The following FGF14 variants were observed in gnomAD, a reference collection of about 807,000 sequenced individuals.
FGF14 encodes fibroblast growth factor 14, also known as fibroblast growth factor homologous factor 4.
FGF14 carries 5 observed loss-of-function variants against 25.5 expected under a neutral mutation model. The observed-to-expected ratio is 0.20, with a 90% CI of 0.10 to 0.41. FGF14 has a LOEUF of 0.41. Ranked by LOEUF, FGF14 falls within the 10% of genes least tolerant of loss-of-function variation. The pLI, the probability that FGF14 is intolerant of heterozygous loss-of-function variation, is 1.00. For synonymous variants in FGF14, 138 were observed against 118.3 expected (o/e 1.17, Z -1.08); for missense variants, 222 against 320.1 (o/e 0.69, Z 2.34).
chr13:102,265,194 T>G (rs1437970001), intron 1 of FGF14, among the ~76,000 whole-genome samples: 1 of 152,162 alleles, frequency 6.6e-6, no homozygotes, highest in East Asian at 1.9e-4. Flanking sequence ...AGGTCTCCAC[T>G]ACCCTTTATT....
chr13:101,972,509 T>A (rs2037662089), intron 1 of FGF14, among the ~76,000 whole-genome samples: 1 of 152,192 alleles, frequency 6.6e-6, no homozygotes, highest in Non-Finnish European at 1.5e-5. Flanking sequence ...GCTCCAAATT[T>A]TCTCTAATTT....
chr13:101,812,378 TATC>T (rs1057346806), intron 3 of FGF14, among the ~76,000 whole-genome samples: 5 of 151,830 alleles, frequency 3.3e-5, no homozygotes, highest in Admixed American at 6.6e-5. Flanking sequence ...TGTTCTCTAA[TATC>T]ATATTAAACC....
rs192082191 is a variant in FGF14 at position 101,876,779 on chromosome 13, T to A, written c.194-1483A>T. Among the ~76,000 whole-genome samples the A allele has an allele frequency of 6.5e-3, 994 of 152,260 alleles. 9 individuals are homozygous for A. Among genetic ancestry groups the A allele is most frequent in the South Asian group, 0.013 (62 of 4,824 alleles). On this transcript the variant is annotated intron_variant, in intron 1 of 4. Coordinates refer to ENST00000376143, the MANE Select transcript of FGF14 (RefSeq NM_004115.4). Reference sequence around the variant, plus strand: ...GTATATAACTTCCCAAATCACATAATTCTAAGATATGCACTAGTGGAAAAA... The same window carrying A: ...GTATATAACTTCCCAAATCACATAAATCTAAGATATGCACTAGTGGAAAAA...
chr13:101,745,583 G>A, intron 3 of FGF14, among the ~76,000 whole-genome samples: 1 of 151,988 alleles, frequency 6.6e-6, no homozygotes, highest in East Asian at 1.9e-4. Flanking sequence ...GCCTTTTCCA[G>A]AATGTCATAT....
At chr13:101,865,282 G>A (rs2044642888) in intron 3 of FGF14, among the ~76,000 whole-genome samples, 1 of 152,012 alleles carries the variant, frequency 6.6e-6, no homozygotes, top group Non-Finnish European at 1.5e-5. Context: ...AAACAAACAA[G>A]CAAACAAAAA....
chr13:102,054,801 T>G (rs186456215), intron 1 of FGF14, among the ~76,000 whole-genome samples: 238 of 152,326 alleles, frequency 1.6e-3, no homozygotes, highest in African/African-American at 4.3e-3. Context: ...CTTCCACATT[T>G]TCTAGGTAGT....
chr13:102,275,744 C>T (rs917310687), intron 1 of FGF14, among the ~76,000 whole-genome samples: 1 of 152,140 alleles, frequency 6.6e-6, no homozygotes. Context: ...CAAGAAAATA[C>T]TTCTTTCCAA....
At chr13:101,926,237 C>T (rs1420279984) in intron 1 of FGF14, among the ~76,000 whole-genome samples, 1 of 152,204 alleles carries the variant, frequency 6.6e-6, no homozygotes, top group East Asian at 1.9e-4. Flanking sequence ...CCTTCCTAGC[C>T]TTTGACACTT....
At chr13:101,863,683 C>A (rs1275542868) in intron 3 of FGF14, among the ~76,000 whole-genome samples, 2 of 152,086 alleles carry the variant, frequency 1.3e-5, no homozygotes, top group Non-Finnish European at 2.9e-5. Context: ...TAGAAAGACT[C>A]TGAAGGATGA....
chr13:101,938,074 C>T (rs2035218058), intron 1 of FGF14, among the ~76,000 whole-genome samples: 1 of 152,216 alleles, frequency 6.6e-6, no homozygotes, highest in Non-Finnish European at 1.5e-5. Context: ...GGCTTCCAGA[C>T]AGGGCACCAC....
At chr13:102,228,770 G>C (rs996774381) in intron 1 of FGF14, among the ~76,000 whole-genome samples, 1 of 152,092 alleles carries the variant, frequency 6.6e-6, no homozygotes, top group African/African-American at 2.4e-5. Flanking sequence ...TTGTTTCAGT[G>C]ATTCTAAAAG....
rs183634908 is a variant in FGF14 at position 101,872,314 on chromosome 13, G to C, written c.304+2872C>G. Among the ~76,000 whole-genome samples the C allele has an allele frequency of 3.6e-4, 54 of 150,666 alleles. No homozygotes were observed. The East Asian group carries it at 9.5e-3, about 27-fold the overall frequency. The stretch of plus-strand genomic sequence containing the variant: ...GTTTATGTTCAGTATGTTTATGAAT[G>C]ATTATTCATAAACATGTTTCCATTT... On this transcript the variant is annotated intron_variant, in intron 2 of 4. Coordinates refer to ENST00000376143, the MANE Select transcript of FGF14 (RefSeq NM_004115.4).
intron 1 of FGF14, among the ~76,000 whole-genome samples, chr13:102,313,927 G>A (rs1345115713): frequency 6.6e-6 from 1 of 152,040 alleles, no homozygotes; most frequent in African/African-American, 2.4e-5. Context: ...ACTACCAAAC[G>A]TGTTTTCCAT....
chr13:101,986,898 CTCTG>C (rs903736929), intron 1 of FGF14, among the ~76,000 whole-genome samples: 4 of 151,054 alleles, frequency 2.6e-5, no homozygotes, highest in South Asian at 2.1e-4. Flanking sequence ...GTCTCTTTGT[CTCTG>C]TCTTTCTCTA....
intron 1 of FGF14, among the ~76,000 whole-genome samples, chr13:102,083,339 GT>G (rs941094621): frequency 6.6e-6 from 1 of 151,748 alleles, no homozygotes; most frequent in Non-Finnish European, 1.5e-5. Flanking sequence ...AACTCTGACC[GT>G]TTTTTTTCTT....
At chr13:102,129,254 A>AAAAG (rs370437878) in intron 1 of FGF14, among the ~76,000 whole-genome samples, 13 of 152,038 alleles carry the variant, frequency 8.6e-5, no homozygotes, top group East Asian at 3.9e-4. Context: ...CATCTCAAAA[A>AAAAG]AAAGAAAGAA....
In FGF14 at chr13:101,714,534, A is replaced by G. The variant is rs2034627609; in HGVS notation, c.*8297T>C. 9 of 1,601,362 alleles carry G rather than the reference A, an allele frequency of 5.6e-6. No individual in the cohort carries two copies. Among genetic ancestry groups the G allele is most frequent in the African/African-American group, 1.3e-5 (1 of 74,652 alleles). Reference sequence around the variant, plus strand: ...GATGACAGAGACTGCGACAAACATGATGGTCTCATTTGTACAGGTGCAGTA... The same window carrying G: ...GATGACAGAGACTGCGACAAACATGGTGGTCTCATTTGTACAGGTGCAGTA... On this transcript the variant is annotated 3_prime_UTR_variant, in exon 5 of 5. Coordinates refer to ENST00000376143, the MANE Select transcript of FGF14 (RefSeq NM_004115.4).
intron 1 of FGF14, among the ~76,000 whole-genome samples, chr13:102,393,382 T>C (rs1285385118): frequency 6.6e-6 from 1 of 152,184 alleles, no homozygotes; most frequent in African/African-American, 2.4e-5. Flanking sequence ...TTTTTTGAGA[T>C]TGTAGTTACT....
chr13:102,110,212 A>T lies in FGF14; in HGVS notation c.209-234916T>A, dbSNP rs143288102. ...AATGTGATGAGATTTGTTATAAAAA[A>T]TGACATTTAATGGAATGTTTCTGGT... On this transcript the variant is annotated intron_variant, in intron 1 of 4. Transcript: ENST00000376131. 5.5e-3 allele frequency among the ~76,000 whole-genome samples: 839 copies of T among 152,316 alleles called. 15 individuals are homozygous for T. Among genetic ancestry groups the T allele is most frequent in the African/African-American group, 0.019 (783 of 41,566 alleles).
Sources: gnomAD v4.1 joint callset for allele counts (sites outside exome capture counted in the v4.1 genomes callset) on GRCh38, gnomAD v4.1.1 for gene constraint, MANE v1.5 for transcripts, NCBI Gene and HGNC (gene_info 2026-07-23, HGNC 2026-07-21) for gene names.